Variants in JAK1 observed in about 807,000 individuals in gnomAD.
The protein encoded by JAK1 is tyrosine-protein kinase JAK1.
A neutral mutation model predicts 136.6 loss-of-function variants in JAK1; 16 were observed. The observed-to-expected ratio is 0.12, with a 90% confidence interval of 0.08 to 0.18. The LOEUF is 0.18. Among genes scored for constraint, JAK1 ranks in the 10% least tolerant of loss-of-function variants. JAK1 has a pLI of 1.00. For synonymous variants in JAK1, 492 were observed against 519.5 expected (o/e 0.95, Z 0.72); for missense variants, 859 against 1,450.1 (o/e 0.59, Z 6.62).
chr1:64,984,872 G>A lies in JAK1; in HGVS notation c.-78+59608C>T. 1 of 1,189,742 alleles carries A rather than the reference G, an allele frequency of 8.4e-7. No individual in the cohort carries two copies. The highest frequency in any genetic ancestry group is 1.2e-5 in the South Asian group (1 of 82,500). 73.7% of individuals were successfully genotyped at this position (1,189,742 alleles called of 1,614,324 possible). On this transcript the variant is annotated intron_variant, in intron 2 of 25. Coordinates refer to the JAK1 transcript ENST00000671954. The surrounding 1 kb of genome is among the most constrained non-coding windows in gnomAD (Gnocchi z 4.1). ...TGACTAGGAAGTTGGAGGTCCAGGTGGAGCAGCCGGCCACTGCCATCACAG... is the reference window on the plus strand; with the variant it reads ...TGACTAGGAAGTTGGAGGTCCAGGTAGAGCAGCCGGCCACTGCCATCACAG...
chr1:64,912,649 C>G (rs1645303675), intron 1 of JAK1, among the ~76,000 whole-genome samples: 1 of 152,188 alleles, frequency 6.6e-6, no homozygotes, highest in Non-Finnish European at 1.5e-5. Flanking sequence ...TAAAGCAGGA[C>G]TACTCTCATC....
intron 5 of JAK1, 73 bp downstream of exon 5, chr1:64,873,297 G>C: frequency 1.3e-6 from 2 of 1,565,964 alleles, no homozygotes; most frequent in Non-Finnish European, 1.8e-6. Flanking sequence ...TTCAGCTGCA[G>C]CAGGGGGTCT....
At chr1:64,842,407 T>C (rs1163852428) in intron 17 of JAK1, among the ~76,000 whole-genome samples, 1 of 147,542 alleles carries the variant, frequency 6.8e-6, no homozygotes, top group Admixed American at 6.9e-5. Flanking sequence ...TTCTACTTCA[T>C]AGCTGGACTC....
chr1:64,956,376 T>C (rs1420849383), intron 1 of JAK1, among the ~76,000 whole-genome samples: 1 of 152,180 alleles, frequency 6.6e-6, no homozygotes, highest in Non-Finnish European at 1.5e-5. Flanking sequence ...AATGGAAAGC[T>C]CATCCCACTG....
At chr1:64,928,595 G>A (rs571041673) in intron 1 of JAK1, among the ~76,000 whole-genome samples, 1 of 151,844 alleles carries the variant, frequency 6.6e-6, no homozygotes, top group East Asian at 1.9e-4. Context: ...AGCATAAAGA[G>A]ACCCAAGAAC....
At chr1:64,909,006 G>T (rs547395333) in intron 1 of JAK1, among the ~76,000 whole-genome samples, 1 of 152,162 alleles carries the variant, frequency 6.6e-6, no homozygotes, top group African/African-American at 2.4e-5. Flanking sequence ...ATGAATGAAC[G>T]AACGAACGAG....
chr1:64,851,321 T>G (rs1420482613), intron 11 of JAK1, among the ~76,000 whole-genome samples: 1 of 152,174 alleles, frequency 6.6e-6, no homozygotes, highest in Admixed American at 6.5e-5. Flanking sequence ...GCCCGGTACA[T>G]AGTAGGCACT....
At chr1:64,847,761 G>A in intron 12 of JAK1, 86 bp from the exon 13 acceptor site, 1 of 1,457,606 alleles carries the variant, frequency 6.9e-7, no homozygotes, top group Non-Finnish European at 9.4e-7. Flanking sequence ...TGGGAACATG[G>A]ACTATCAATG....
intron 2 of JAK1, among the ~76,000 whole-genome samples, chr1:65,000,989 A>C (rs17127208): frequency 0.022 from 3,404 of 151,944 alleles, 117 homozygotes; most frequent in African/African-American, 0.078. Context: ...TTGGAGCTCC[A>C]ACTCTACTAA....
intron 1 of JAK1, among the ~76,000 whole-genome samples, chr1:64,917,600 G>A (rs910817215): frequency 2.6e-5 from 4 of 152,158 alleles, no homozygotes; most frequent in African/African-American, 9.7e-5. Flanking sequence ...GAATGCCTGG[G>A]TGAGCCTGGA....
chr1:64,994,747 G>A (rs1299905225), intron 2 of JAK1, among the ~76,000 whole-genome samples: 2 of 152,098 alleles, frequency 1.3e-5, no homozygotes, highest in South Asian at 4.2e-4. Flanking sequence ...GTGATTTGGA[G>A]CCCAGGATAA....
At chr1:65,065,768 C>T (rs1569983801) in intron 1 of JAK1, among the ~76,000 whole-genome samples, 1 of 150,562 alleles carries the variant, frequency 6.6e-6, no homozygotes, top group East Asian at 2.0e-4. Context: ...TTAGGCCTGG[C>T]TCTGGGTTAA....
chr1:64,844,210 TG>T lies in JAK1; in HGVS notation c.2256del (p.Cys752Ter). On this transcript the variant is annotated frameshift_variant, in exon 17 of 25. Transcript: ENST00000342505. LOFTEE classifies it high-confidence loss of function. This position sits in a 1 kb window ranked among gnomAD's most constrained non-coding sequence, Gnocchi z 5.7. Reference protein sequence around the residue: ...IPITVLSRQECIERIPWIAPE... With the variant: ...IPITVLSRQEXIERIPWIAPE... ...GGAGCAATCCATGGGATTCGTTCAA[TG>T]CATTCTGGAAGACAACAGACACACT... 1 of 1,614,210 alleles carries T rather than the reference TG, an allele frequency of 6.2e-7. No homozygotes were observed. The highest frequency in any genetic ancestry group is 8.5e-7 in the Non-Finnish European group (1 of 1,180,034).
At chr1:65,052,836 T>C (rs1306291986) in intron 1 of JAK1, among the ~76,000 whole-genome samples, 2 of 116,370 alleles carry the variant, frequency 1.7e-5, no homozygotes, top group East Asian at 4.9e-4. Flanking sequence ...CACTCCAGCC[T>C]GGGTGTCAGA....
intron 1 of JAK1, among the ~76,000 whole-genome samples, chr1:65,053,462 A>C (rs1257335984): frequency 2.0e-5 from 3 of 152,364 alleles, no homozygotes; most frequent in East Asian, 3.9e-4. Context: ...AGTTTTAAAG[A>C]AGCAATTTTT....
At chr1:64,967,681 T>A (rs1329287724), upstream of JAK1, among the ~76,000 whole-genome samples, 2 of 152,172 alleles carry the variant, frequency 1.3e-5, no homozygotes, top group East Asian at 3.8e-4. Context: ...AGCATCCGAA[T>A]TAGACTACTG....
intron 1 of JAK1, among the ~76,000 whole-genome samples, chr1:64,919,513 T>A (rs571111787): frequency 2.9e-3 from 444 of 152,306 alleles, no homozygotes; most frequent in African/African-American, 0.01. Flanking sequence ...ATGATTTATA[T>A]TCCTTTGGGT....
At chr1:65,011,115 C>T (rs1007087806) in intron 2 of JAK1, among the ~76,000 whole-genome samples, 3 of 152,008 alleles carry the variant, frequency 2.0e-5, no homozygotes, top group Non-Finnish European at 4.4e-5. Context: ...CATTCATTTG[C>T]CTGGGGGCAG....
At chr1:65,013,185 C>A (rs2100774790) in intron 2 of JAK1, among the ~76,000 whole-genome samples, 1 of 150,100 alleles carries the variant, frequency 6.7e-6, no homozygotes, top group South Asian at 2.1e-4. Flanking sequence ...CACTTGAAGT[C>A]AGGAGTTTGA....
Sources: allele counts gnomAD v4.1 joint callset (sites outside exome capture counted in the v4.1 genomes callset), GRCh38; gene constraint gnomAD v4.1.1; non-coding constraint Gnocchi (gnomAD v3.1); transcripts MANE v1.5; gene names NCBI Gene and HGNC (gene_info 2026-07-23, HGNC 2026-07-21).